The following RALGAPA1 variants were observed in gnomAD, a reference collection of about 807,000 sequenced individuals.
RALGAPA1 encodes ral GTPase-activating protein subunit alpha-1.
A neutral mutation model predicts 269.6 loss-of-function variants in RALGAPA1; 52 were observed. The ratio of observed to expected loss-of-function variants is 0.19; its 90% CI spans 0.15 to 0.24. RALGAPA1 has a LOEUF of 0.24. Ranked by LOEUF, RALGAPA1 falls within the 10% of genes least tolerant of loss-of-function variation. The pLI is 1.00. For missense variants in RALGAPA1, 1,917 were observed against 3,013.9 expected, an observed-to-expected ratio of 0.64 and a Z score of 8.52; for synonymous variants, 817 against 1,008.3, an observed-to-expected ratio of 0.81 and a Z score of 3.60.
intron 41 of RALGAPA1, among the ~76,000 whole-genome samples, chr14:35,547,921 T>C (rs1323651737): frequency 1.3e-5 from 2 of 152,146 alleles, no homozygotes; most frequent in Non-Finnish European, 2.9e-5. Context: ...AGTAACTTTT[T>C]CCAAATAAAT....
intron 6 of RALGAPA1, among the ~76,000 whole-genome samples, chr14:35,758,996 A>G (rs2073444545): frequency 6.6e-6 from 1 of 152,110 alleles, no homozygotes; most frequent in Non-Finnish European, 1.5e-5. Context: ...ATGTGCCTGT[A>G]GTCCCAGCTA....
At chr14:35,698,209 T>A (rs1355654785) in intron 17 of RALGAPA1, among the ~76,000 whole-genome samples, 3 of 152,204 alleles carry the variant, frequency 2.0e-5, no homozygotes, top group African/African-American at 7.2e-5. Flanking sequence ...TTTCCAACAG[T>A]GCTCATAAAT....
intron 12 of RALGAPA1, among the ~76,000 whole-genome samples, chr14:35,736,865 A>T (rs921018875): frequency 2.0e-5 from 3 of 151,976 alleles, no homozygotes; most frequent in Non-Finnish European, 4.4e-5. Context: ...GCAAAAACCC[A>T]TCTCTACTAA....
chr14:35,569,767 C>T (rs1319597598), intron 39 of RALGAPA1, among the ~76,000 whole-genome samples: 1 of 152,138 alleles, frequency 6.6e-6, no homozygotes, highest in Non-Finnish European at 1.5e-5. Flanking sequence ...CCACTCCATC[C>T]AGGTGAGTGA....
chr14:35,752,826 T>C (rs537716549), intron 7 of RALGAPA1, among the ~76,000 whole-genome samples: 2 of 152,260 alleles, frequency 1.3e-5, no homozygotes, highest in Admixed American at 6.5e-5. Context: ...AGATTGATTA[T>C]ACACAAGGGG....
At chr14:35,585,777 T>C (rs978853167) in intron 37 of RALGAPA1, among the ~76,000 whole-genome samples, 52 of 152,230 alleles carry the variant, frequency 3.4e-4, no homozygotes, top group Non-Finnish European at 3.7e-4. Context: ...TGTGGTTTTA[T>C]TTCTGAGGGC....
At chr14:35,763,713 A>G (rs1298086871) in intron 4 of RALGAPA1, among the ~76,000 whole-genome samples, 3 of 152,008 alleles carry the variant, frequency 2.0e-5, no homozygotes, top group African/African-American at 7.2e-5. Context: ...CTATTCCAAG[A>G]GTACCGTAAT....
chr14:35,539,607 G>T lies in RALGAPA1; in HGVS notation c.*107C>A. The stretch of plus-strand genomic sequence containing the variant: ...ATGGACATGCGGCTTTTGCTAGTTC[G>T]AGGAGACATTGGAGAGGCCAGGTCA... On this transcript the variant is annotated 3_prime_UTR_variant, in exon 42 of 42. Coordinates refer to ENST00000680220, the MANE Select transcript of RALGAPA1 (RefSeq NM_001346249.2). 2.5e-6 allele frequency: 4 copies of T among 1,614,000 alleles called. No individual in the cohort carries two copies. The highest frequency in any genetic ancestry group is 3.4e-6 in the Non-Finnish European group (4 of 1,180,024).
chr14:35,684,276 CT>C (rs1178924949), intron 20 of RALGAPA1, among the ~76,000 whole-genome samples: 1 of 152,180 alleles, frequency 6.6e-6, no homozygotes, highest in African/African-American at 2.4e-5. Flanking sequence ...GTGCCCTTCA[CT>C]GACTGCCAAG....
At chr14:35,734,929 T>A (rs2070837052) in intron 12 of RALGAPA1, among the ~76,000 whole-genome samples, 3 of 150,954 alleles carry the variant, frequency 2.0e-5, no homozygotes, top group Admixed American at 2.0e-4. Context: ...GATATGCAAA[T>A]GGCCAACAAA....
chr14:35,652,025 T>A, intron 30 of RALGAPA1, 152 bp from the exon 31 acceptor site: 1 of 534,380 alleles, frequency 1.9e-6, no homozygotes, highest in Middle Eastern at 5.3e-4. Flanking sequence ...AAGTAATGTT[T>A]AATAGGTAAG....
intron 10 of RALGAPA1, among the ~76,000 whole-genome samples, chr14:35,745,947 TA>T (rs1335671863): frequency 4.6e-5 from 7 of 151,738 alleles, no homozygotes; most frequent in African/African-American, 1.7e-4. Flanking sequence ...AAAAATTAGG[TA>T]GGCATGGTGG....
At chr14:35,618,327 G>A (rs1166189029) in intron 35 of RALGAPA1, among the ~76,000 whole-genome samples, 1 of 152,004 alleles carries the variant, frequency 6.6e-6, no homozygotes, top group Non-Finnish European at 1.5e-5. Context: ...TAGCAGTCTA[G>A]TGATATTAAA....
At chr14:35,693,487 CT>C (rs1472750501) in intron 17 of RALGAPA1, among the ~76,000 whole-genome samples, 3 of 151,624 alleles carry the variant, frequency 2.0e-5, no homozygotes, top group Admixed American at 2.0e-4. Flanking sequence ...TTTTCTCTTT[CT>C]TTTCTTTTTC....
intron 18 of RALGAPA1, 40 bp from the exon 19 acceptor site, chr14:35,686,706 T>G (rs1480691206): frequency 1.6e-6 from 2 of 1,219,482 alleles, no homozygotes; most frequent in Non-Finnish European, 1.1e-6. Context: ...GAGGAAAAAC[T>G]TAACTGCATT....
chr14:35,611,528 A>G (rs1486585048), intron 35 of RALGAPA1, among the ~76,000 whole-genome samples: 2 of 151,238 alleles, frequency 1.3e-5, no homozygotes, highest in Non-Finnish European at 1.5e-5. Flanking sequence ...GGAAAAAGAA[A>G]AACACCCAGC....
At chr14:35,651,693 T>A in intron 31 of RALGAPA1, 112 bp downstream of exon 31, 2 of 950,642 alleles carry the variant, frequency 2.1e-6, no homozygotes, top group Non-Finnish European at 2.9e-6. Context: ...TTATAGTAGA[T>A]TCTGAACAAG....
rs765764530 is a variant in RALGAPA1, at chr14:35,752,009, T to C, written c.802+15A>G. On this transcript the variant is annotated intron_variant, in intron 8 of 41. Coordinates refer to ENST00000680220, the MANE Select transcript of RALGAPA1 (RefSeq NM_001346249.2). ...CTTAAGTGTGATCTTTCAGAAAATTTCAAACATTACCTACCAAGTATAGGA... is the reference window on the plus strand; with the variant it reads ...CTTAAGTGTGATCTTTCAGAAAATTCCAAACATTACCTACCAAGTATAGGA... The C allele has an allele frequency of 3.8e-6, 6 of 1,567,334 alleles. No individual in the cohort carries two copies. The highest frequency in any genetic ancestry group is 5.2e-6 in the Non-Finnish European group (6 of 1,162,502).
intron 6 of RALGAPA1, among the ~76,000 whole-genome samples, chr14:35,760,456 A>G (rs1275300694): frequency 6.6e-6 from 1 of 152,210 alleles, no homozygotes; most frequent in Non-Finnish European, 1.5e-5. Context: ...AGCCCACTGG[A>G]ATTATTCAAA....
Sources: allele counts gnomAD v4.1 joint callset (sites outside exome capture counted in the v4.1 genomes callset), GRCh38; gene constraint gnomAD v4.1.1; transcripts MANE v1.5; gene names NCBI Gene and HGNC (gene_info 2026-07-23, HGNC 2026-07-21).